CAMTA1: variants seen among roughly 807,000 people sequenced by gnomAD.
The protein encoded by CAMTA1 is calmodulin binding transcription activator 1, also known as calmodulin-binding transcription activator 1.
A neutral mutation model predicts 170.9 loss-of-function variants in CAMTA1; 27 were observed. The observed-to-expected ratio is 0.16, with a 90% CI of 0.12 to 0.22. The LOEUF is 0.22. Among genes scored for constraint, CAMTA1 ranks in the 10% least tolerant of loss-of-function variants. The pLI, the probability that CAMTA1 is intolerant of heterozygous loss-of-function variation, is 1.00. For synonymous variants in CAMTA1, 833 were observed against 891.5 expected, an observed-to-expected ratio of 0.93 and a Z score of 1.17; for missense variants, 1,619 against 2,217.2, an observed-to-expected ratio of 0.73 and a Z score of 5.42.
chr1:7,709,791 G>A (rs1303566847), intron 11 of CAMTA1, among the ~76,000 whole-genome samples: 1 of 152,188 alleles, frequency 6.6e-6, no homozygotes, highest in Non-Finnish European at 1.5e-5. Context: ...TCTCTTACCT[G>A]TTTTCCAAAC....
At chr1:6,790,939 A>G (rs1439127572) in intron 1 of CAMTA1, among the ~76,000 whole-genome samples, 1 of 152,092 alleles carries the variant, frequency 6.6e-6, no homozygotes, top group East Asian at 1.9e-4. Context: ...TTCTGCTACT[A>G]TTTCACTCTT....
chr1:7,438,949 G>A (rs908445419), intron 5 of CAMTA1, among the ~76,000 whole-genome samples: 3 of 152,214 alleles, frequency 2.0e-5, no homozygotes, highest in South Asian at 2.1e-4. Flanking sequence ...TCCTGGGTGC[G>A]GTGCCTGCAC....
At chr1:7,288,359 T>C (rs2149489479) in intron 5 of CAMTA1, among the ~76,000 whole-genome samples, 1 of 152,342 alleles carries the variant, frequency 6.6e-6, no homozygotes, top group South Asian at 2.1e-4. Context: ...ATTGTGGTTA[T>C]TTAATTGATC....
intron 5 of CAMTA1, chr1:7,441,284 G>A (rs2092525756): frequency 6.6e-6 from 1 of 152,262 alleles, no homozygotes; most frequent in Non-Finnish European, 1.5e-5. Flanking sequence ...ACACACCCTT[G>A]ATGCTTGACT....
chr1:7,474,262 T>A (rs1002156220), intron 6 of CAMTA1, among the ~76,000 whole-genome samples: 1 of 136,894 alleles, frequency 7.3e-6, no homozygotes, highest in Admixed American at 7.1e-5. Context: ...TTGTCTAATG[T>A]CTCTGAGTCT....
intron 5 of CAMTA1, among the ~76,000 whole-genome samples, chr1:7,422,269 A>G: frequency 6.6e-6 from 1 of 151,800 alleles, no homozygotes; most frequent in East Asian, 1.9e-4. Flanking sequence ...CTGAAGGGAG[A>G]CAGTGAGTGA....
intron 4 of CAMTA1, among the ~76,000 whole-genome samples, chr1:7,165,977 G>A (rs1220969942): frequency 6.6e-6 from 1 of 152,076 alleles, no homozygotes; most frequent in African/African-American, 2.4e-5. Flanking sequence ...TATATTTCTA[G>A]TTCACTTATT....
At chr1:7,184,764 A>G (rs1652911579) in intron 4 of CAMTA1, among the ~76,000 whole-genome samples, 1 of 152,210 alleles carries the variant, frequency 6.6e-6, no homozygotes, top group Admixed American at 6.6e-5. Context: ...AACTAAAAAC[A>G]TCATGGGCTA....
chr1:7,282,689 G>T (rs527528668), intron 5 of CAMTA1, among the ~76,000 whole-genome samples: 290 of 152,224 alleles, frequency 1.9e-3, no homozygotes, highest in Non-Finnish European at 3.4e-3. Context: ...GGAGAGTTGG[G>T]GCTGCCCTCC....
chr1:6,943,302 G>A (rs1686987360), intron 3 of CAMTA1, among the ~76,000 whole-genome samples: 1 of 151,932 alleles, frequency 6.6e-6, no homozygotes, highest in Non-Finnish European at 1.5e-5. Context: ...GGGCTCAACT[G>A]TGGTCCCCTT....
rs562751443 is a variant in CAMTA1, at chr1:7,137,805, G to A, written c.302+46434G>A. Among the ~76,000 whole-genome samples the A allele has an allele frequency of 1.5e-4, 23 of 152,084 alleles. 2 individuals are homozygous for A. The South Asian group carries it at 4.8e-3, about 32-fold the overall frequency. Reference sequence around the variant, plus strand: ...AACTCAGCCACCCTACAAAGAACAGGACCCCTGTCCCCACATCCCTTCTCT... The same window carrying A: ...AACTCAGCCACCCTACAAAGAACAGAACCCCTGTCCCCACATCCCTTCTCT... On this transcript the variant is annotated intron_variant, in intron 4 of 22. Coordinates refer to ENST00000303635, the MANE Select transcript of CAMTA1 (RefSeq NM_015215.4).
At chr1:7,444,063 C>T (rs1166924096) in intron 5 of CAMTA1, among the ~76,000 whole-genome samples, 1 of 152,188 alleles carries the variant, frequency 6.6e-6, no homozygotes, top group Non-Finnish European at 1.5e-5. Flanking sequence ...AGTCAGATTC[C>T]CTCGCTCAGA....
At chr1:6,905,832 C>G (rs1205692071) in intron 3 of CAMTA1, among the ~76,000 whole-genome samples, 1 of 152,190 alleles carries the variant, frequency 6.6e-6, no homozygotes, top group Non-Finnish European at 1.5e-5. Flanking sequence ...GCCTCATATA[C>G]AGAGTGTGCT....
At chr1:6,801,131 T>TC (rs1643756302) in intron 1 of CAMTA1, among the ~76,000 whole-genome samples, 1 of 152,202 alleles carries the variant, frequency 6.6e-6, no homozygotes, top group Non-Finnish European at 1.5e-5. Context: ...TGATCATAGA[T>TC]AACTTGACCA....
Position 7,674,212 on chromosome 1 carries a change from C to T in CAMTA1, c.2779+3175C>T, listed in dbSNP as rs1221992306. The stretch of plus-strand genomic sequence containing the variant: ...AGCAAAACAGATGAGCAGGGTCCTG[C>T]CCTGGCAGCTCCCACACCGTCACAG... On this transcript the variant is annotated intron_variant, in intron 10 of 22. Transcript: ENST00000303635. The surrounding 1 kb of genome is among the most constrained non-coding windows in gnomAD (Gnocchi z 4.1). 2.0e-5 allele frequency among the ~76,000 whole-genome samples: 3 copies of T among 152,204 alleles called. No individual in the cohort carries two copies. The highest frequency in any genetic ancestry group is 7.2e-5 in the African/African-American group (3 of 41,450).
At chr1:7,269,768 G>A (rs1286229139) in intron 5 of CAMTA1, among the ~76,000 whole-genome samples, 1 of 152,132 alleles carries the variant, frequency 6.6e-6, no homozygotes, top group Non-Finnish European at 1.5e-5. Context: ...TATAATTGGA[G>A]GCCCAGACCA....
intron 11 of CAMTA1, among the ~76,000 whole-genome samples, chr1:7,686,854 C>T (rs2096263151): frequency 6.6e-6 from 1 of 151,902 alleles, no homozygotes; most frequent in South Asian, 2.1e-4. Context: ...ATATGAAGAA[C>T]GAGAGAGGAC....
At chr1:6,812,906 T>C (rs1645351277) in intron 1 of CAMTA1, among the ~76,000 whole-genome samples, 1 of 152,234 alleles carries the variant, frequency 6.6e-6, no homozygotes, top group Admixed American at 6.5e-5. Flanking sequence ...AACTCAATTC[T>C]AGGTGTTGAA....
chr1:6,861,163 C>A (rs1664543237), intron 3 of CAMTA1, among the ~76,000 whole-genome samples: 1 of 152,010 alleles, frequency 6.6e-6, no homozygotes, highest in Non-Finnish European at 1.5e-5. Flanking sequence ...ACCTCGTTGT[C>A]CAGGCTGTTC....
Sources: gnomAD v4.1 joint callset for allele counts (sites outside exome capture counted in the v4.1 genomes callset) on GRCh38, gnomAD v4.1.1 for gene constraint, Gnocchi (gnomAD v3.1) non-coding constraint, MANE v1.5 for transcripts, NCBI Gene and HGNC (gene_info 2026-07-23, HGNC 2026-07-21) for gene names.